Variants in PDE10A observed in about 807,000 individuals in gnomAD.
PDE10A encodes the protein phosphodiesterase 10A.
A neutral mutation model predicts 97.7 loss-of-function variants in PDE10A; 39 were observed. That is an observed-to-expected ratio of 0.40 (90% CI 0.31 to 0.52). The LOEUF (loss-of-function observed/expected upper bound fraction) is 0.52. PDE10A is among the 20% of genes least tolerant of loss of function. PDE10A has a pLI of 0.56. For missense variants in PDE10A, 731 were observed against 1,047.8 expected, an observed-to-expected ratio of 0.70 and a Z score of 4.17; for synonymous variants, 371 against 376.8, an observed-to-expected ratio of 0.98 and a Z score of 0.18.
At chr6:165,504,858 C>T (rs1438509403) in intron 2 of PDE10A, among the ~76,000 whole-genome samples, 1 of 152,134 alleles carries the variant, frequency 6.6e-6, no homozygotes, top group African/African-American at 2.4e-5. Flanking sequence ...AAGCTAAAAA[C>T]TACATTTTCA....
At chr6:165,434,807 A>C (rs1345253204) in intron 6 of PDE10A, among the ~76,000 whole-genome samples, 3 of 152,236 alleles carry the variant, frequency 2.0e-5, no homozygotes, top group Non-Finnish European at 2.9e-5. Flanking sequence ...AACTGACAGC[A>C]GTCCAGACCA....
At chr6:165,831,253 T>G (rs1779903274) in intron 1 of PDE10A, among the ~76,000 whole-genome samples, 1 of 148,594 alleles carries the variant, frequency 6.7e-6, no homozygotes, top group South Asian at 2.2e-4. Flanking sequence ...GCGCCTGCAG[T>G]CCCAGCTACT....
chr6:165,731,497 C>A (rs929592861), intron 1 of PDE10A, among the ~76,000 whole-genome samples: 1 of 152,112 alleles, frequency 6.6e-6, no homozygotes, highest in South Asian at 2.1e-4. Flanking sequence ...GTTGGAGGAA[C>A]GAGAGGTGCA....
intron 13 of PDE10A, among the ~76,000 whole-genome samples, chr6:165,397,740 G>A (rs1323284332): frequency 6.8e-6 from 1 of 148,026 alleles, no homozygotes; most frequent in African/African-American, 2.5e-5. Context: ...AGCTAAATGG[G>A]TCAAGAGTAA....
intron 1 of PDE10A, among the ~76,000 whole-genome samples, chr6:165,982,743 T>C (rs1234081922): frequency 6.6e-6 from 1 of 151,474 alleles, no homozygotes; most frequent in Non-Finnish European, 1.5e-5. Flanking sequence ...ATAAGATCAA[T>C]AAATACAACT....
intron 1 of PDE10A, among the ~76,000 whole-genome samples, chr6:165,673,461 C>T (rs1241117839): frequency 2.0e-5 from 3 of 152,146 alleles, no homozygotes; most frequent in Non-Finnish European, 2.9e-5. Context: ...TTTGGAAAGG[C>T]GAGGGTTAAA....
At chr6:165,562,831 T>C (rs1784585105) in intron 1 of PDE10A, among the ~76,000 whole-genome samples, 2 of 152,094 alleles carry the variant, frequency 1.3e-5, no homozygotes, top group South Asian at 2.1e-4. Flanking sequence ...CCAAGAGACA[T>C]CTGGCAATGT....
intron 1 of PDE10A, among the ~76,000 whole-genome samples, chr6:165,888,586 CT>C (rs541009545): frequency 1.3e-5 from 2 of 152,154 alleles, no homozygotes; most frequent in Non-Finnish European, 2.9e-5. Context: ...ACCTGGCCTG[CT>C]TTTTTTCAGT....
intron 1 of PDE10A, among the ~76,000 whole-genome samples, chr6:165,795,518 G>A (rs775287311): frequency 6.6e-6 from 1 of 152,044 alleles, no homozygotes; most frequent in Non-Finnish European, 1.5e-5. Context: ...CTGAGGTCAG[G>A]AATTCAAGAT....
At chr6:165,609,030 T>C (rs1787365390) in intron 1 of PDE10A, among the ~76,000 whole-genome samples, 2 of 152,234 alleles carry the variant, frequency 1.3e-5, no homozygotes, top group Non-Finnish European at 2.9e-5. Context: ...ATGAGTAGAT[T>C]GCAAAAATTT....
At chr6:165,619,699 CCAGTGTAGTG>C (rs1788027552) in intron 1 of PDE10A, among the ~76,000 whole-genome samples, 15 of 112,010 alleles carry the variant, frequency 1.3e-4, no homozygotes, top group South Asian at 9.1e-4. Flanking sequence ...GTAGTGTAGT[CCAGTGTAGTG>C]TAGTGTAGTC....
At chr6:165,827,838 A>G (rs1180753858) in intron 1 of PDE10A, among the ~76,000 whole-genome samples, 1 of 152,118 alleles carries the variant, frequency 6.6e-6, no homozygotes, top group Non-Finnish European at 1.5e-5. Flanking sequence ...CCCAAAGTCC[A>G]TTGTATCATT....
chr6:165,535,105 C>CA (rs1783000785), intron 2 of PDE10A, among the ~76,000 whole-genome samples: 1 of 151,816 alleles, frequency 6.6e-6, no homozygotes, highest in African/African-American at 2.4e-5. Flanking sequence ...TTGCAGGATA[C>CA]AAAATCAACA....
intron 1 of PDE10A, among the ~76,000 whole-genome samples, chr6:165,714,625 G>T (rs781317988): frequency 6.6e-6 from 1 of 152,218 alleles, no homozygotes; most frequent in Non-Finnish European, 1.5e-5. Flanking sequence ...CATCCACAGG[G>T]GTGTCCCAGG....
chr6:165,571,302 C>T (rs1018883684), intron 1 of PDE10A, among the ~76,000 whole-genome samples: 4 of 152,114 alleles, frequency 2.6e-5, no homozygotes, highest in African/African-American at 9.7e-5. Context: ...TACATCTTTG[C>T]TGATAAATAT....
chr6:165,701,456 G>A (rs1231253204), intron 1 of PDE10A, among the ~76,000 whole-genome samples: 1 of 152,174 alleles, frequency 6.6e-6, no homozygotes, highest in Non-Finnish European at 1.5e-5. Context: ...AACAACAACT[G>A]TTTTATTGAA....
chr6:165,946,972 T>A (rs1783792279), intron 1 of PDE10A: 1 of 152,190 alleles, frequency 6.6e-6, no homozygotes, highest in South Asian at 2.1e-4. Context: ...TTATATAATA[T>A]CTAGTCCACG....
At chr6:165,444,862 T>A (rs1199715851) in intron 5 of PDE10A, among the ~76,000 whole-genome samples, 1 of 152,172 alleles carries the variant, frequency 6.6e-6, no homozygotes, top group East Asian at 1.9e-4. Flanking sequence ...GCGAAGAAAT[T>A]CATACTTTAA....
intron 1 of PDE10A, among the ~76,000 whole-genome samples, chr6:165,626,004 G>T (rs1788369445): frequency 6.6e-6 from 1 of 152,218 alleles, no homozygotes; most frequent in Admixed American, 6.5e-5. Context: ...TGGGCGAAGA[G>T]AGAGGTTGGA....
Sources: allele counts gnomAD v4.1 joint callset (sites outside exome capture counted in the v4.1 genomes callset), GRCh38; gene constraint gnomAD v4.1.1; transcripts MANE v1.5; gene names NCBI Gene and HGNC (gene_info 2026-07-23, HGNC 2026-07-21).